AKAP6: variants seen among roughly 807,000 people sequenced by gnomAD.
AKAP6 encodes A-kinase anchoring protein 6.
AKAP6 carries 58 observed loss-of-function variants against 188.5 expected under a neutral mutation model. The ratio of observed to expected loss-of-function variants is 0.31; its 90% CI spans 0.25 to 0.38. AKAP6 has a LOEUF of 0.38. Among genes scored for constraint, AKAP6 ranks in the 10% least tolerant of loss-of-function variants. AKAP6 has a pLI of 1.00. For missense variants in AKAP6, 2,710 were observed against 2,740.0 expected, an observed-to-expected ratio of 0.99 and a Z score of 0.24; for synonymous variants, 989 against 998.6, an observed-to-expected ratio of 0.99 and a Z score of 0.18.
chr14:32,384,106 T>C (rs35212883), intron 1 of AKAP6, among the ~76,000 whole-genome samples: 87,397 of 152,092 alleles, frequency 0.57, 29,127 homozygotes, highest in Non-Finnish European at 0.74. Context: ...GTTAGCACTC[T>C]GCTAACTAAA....
intron 1 of AKAP6, among the ~76,000 whole-genome samples, chr14:32,416,210 A>AT (rs1181124179): frequency 6.6e-6 from 1 of 152,028 alleles, no homozygotes; most frequent in African/African-American, 2.4e-5. Flanking sequence ...AACACTAATT[A>AT]TTTTCTGTTT....
rs1594730735 is a variant in AKAP6, at chr14:32,546,323, G to A, written c.1670G>A (p.Cys557Tyr). Residue 557 changes from cysteine to tyrosine, a missense_variant, in exon 4 of 14, where the codon TGT becomes TAT. Physicochemically the swap from Cys to Tyr is radical, Grantham distance 194. Around this residue, in one of 2 missense-constraint regions of AKAP6, gnomAD observed 2,473 missense variants for 2,426.1 expected, o/e 1.02. Coordinates refer to ENST00000280979, the MANE Select transcript of AKAP6 (RefSeq NM_004274.5). ...NSASTSSLEP[C>Y]NQRSWNAKLQ... The stretch of plus-strand genomic sequence containing the variant: ...GCTTCCACATCCTCACTTGAGCCTT[G>A]TAATCAGAGAAGTTGGAATGCCAAA... 1 of 1,614,196 alleles carries A rather than the reference G, an allele frequency of 6.2e-7. No individual in the cohort carries two copies. The highest frequency in any genetic ancestry group is 1.1e-5 in the South Asian group (1 of 91,084).
At chr14:32,771,401 C>T (rs987660314) in intron 11 of AKAP6, among the ~76,000 whole-genome samples, 2 of 149,536 alleles carry the variant, frequency 1.3e-5, no homozygotes, top group East Asian at 2.0e-4. Flanking sequence ...TGAATATCAA[C>T]AGTAATTGCC....
chr14:32,664,622 C>T (rs370983064), intron 7 of AKAP6, among the ~76,000 whole-genome samples: 205 of 152,218 alleles, frequency 1.3e-3, no homozygotes, highest in African/African-American at 4.1e-3. Context: ...TCATCATACA[C>T]GCATGCTCTT....
intron 7 of AKAP6, among the ~76,000 whole-genome samples, chr14:32,665,747 C>T (rs1027873620): frequency 6.6e-6 from 1 of 152,150 alleles, no homozygotes; most frequent in Non-Finnish European, 1.5e-5. Context: ...GCCTAACACA[C>T]CCAGCATTAT....
chr14:32,794,158 AC>A (rs1420258818), intron 12 of AKAP6, among the ~76,000 whole-genome samples: 1 of 152,174 alleles, frequency 6.6e-6, no homozygotes, highest in Admixed American at 6.5e-5. Context: ...AGTCTATCAG[AC>A]CCACAGCACT....
chr14:32,809,969 G>A (rs2034183021), intron 12 of AKAP6, among the ~76,000 whole-genome samples: 1 of 152,128 alleles, frequency 6.6e-6, no homozygotes, highest in Admixed American at 6.5e-5. Flanking sequence ...CAAGCTTTAG[G>A]TAGTGCAAAG....
chr14:32,732,458 A>T lies in AKAP6; in HGVS notation c.3005A>T (p.Tyr1002Phe), dbSNP rs972439876. 6 of 1,611,962 alleles carry T rather than the reference A, an allele frequency of 3.7e-6. No homozygotes were observed. In the African/African-American group the frequency reaches 8.0e-5, roughly 22 times the overall value. ...CTTTTTCTCTTTTCATTTTAGCGATACAGTGTGGAAATGTCCATCAGACAC... is the reference window on the plus strand; with the variant it reads ...CTTTTTCTCTTTTCATTTTAGCGATTCAGTGTGGAAATGTCCATCAGACAC... ...EEQQQHLYKR[Y>F]SVEMSIRHLK... is the part of the protein sequence containing the mutation. Residue 1002 changes from tyrosine (Y) to phenylalanine (F), a missense_variant, in exon 10 of 14, where the codon TAC (tyrosine) becomes TTC (phenylalanine). Tyr to Phe is a conservative substitution (Grantham distance 22, BLOSUM62 3). Around this residue, in one of 2 missense-constraint regions of AKAP6, gnomAD observed 2,473 missense variants for 2,426.1 expected, o/e 1.02. Transcript: ENST00000280979.
At chr14:32,717,248 C>G (rs2030262593) in intron 9 of AKAP6, among the ~76,000 whole-genome samples, 1 of 152,114 alleles carries the variant, frequency 6.6e-6, no homozygotes, top group Non-Finnish European at 1.5e-5. Context: ...ATGGCCACAT[C>G]CTTGTACTTC....
At chr14:32,722,834 A>T (rs573081821) in intron 9 of AKAP6, among the ~76,000 whole-genome samples, 17 of 152,156 alleles carry the variant, frequency 1.1e-4, no homozygotes, top group Non-Finnish European at 1.9e-4. Flanking sequence ...TGGATGCTGG[A>T]CAAGAATTCA....
chr14:32,781,606 A>G (rs2033253047), intron 12 of AKAP6, among the ~76,000 whole-genome samples: 1 of 152,174 alleles, frequency 6.6e-6, no homozygotes, highest in African/African-American at 2.4e-5. Flanking sequence ...AGGCAATACA[A>G]GAAAACTGCT....
chr14:32,756,862 G>A (rs1370509633), intron 11 of AKAP6, among the ~76,000 whole-genome samples: 5 of 152,092 alleles, frequency 3.3e-5, no homozygotes, highest in African/African-American at 1.2e-4. Flanking sequence ...TAGAATCACG[G>A]GTGCCATCCT....
intron 2 of AKAP6, among the ~76,000 whole-genome samples, chr14:32,529,480 GC>G (rs1340442966): frequency 1.3e-5 from 2 of 151,856 alleles, no homozygotes; most frequent in East Asian, 3.9e-4. Context: ...TTATCTTATT[GC>G]AATAGCTAGG....
In AKAP6 at chr14:32,600,693, G is replaced by A. The variant is rs753018110; in HGVS notation, c.2631G>A (p.Arg877=). Residue 877 remains arginine (R), a synonymous_variant, in exon 7 of 14, where the codon CGG becomes CGA. Transcript: ENST00000280979. ...QWKELQRQIK[R]QHSWILRALD... Reference sequence around the variant, plus strand: ...AGGAGCTGCAGAGGCAAATCAAACGGCAGCACAGCTGGATTCTCAGGGCTC... The same window carrying A: ...AGGAGCTGCAGAGGCAAATCAAACGACAGCACAGCTGGATTCTCAGGGCTC... 1 of 1,613,572 alleles carries A rather than the reference G, an allele frequency of 6.2e-7. No individual in the cohort carries two copies. Among genetic ancestry groups the A allele is most frequent in the African/African-American group, 1.3e-5 (1 of 75,012 alleles).
At chr14:32,692,850 T>C (rs780310763) in intron 8 of AKAP6, among the ~76,000 whole-genome samples, 12 of 152,274 alleles carry the variant, frequency 7.9e-5, no homozygotes, top group Non-Finnish European at 1.2e-4. Context: ...TGCCAATTGA[T>C]CATTTTTATG....
chr14:32,435,058 G>A (rs566440821), intron 2 of AKAP6, among the ~76,000 whole-genome samples: 28 of 152,302 alleles, frequency 1.8e-4, no homozygotes, highest in Non-Finnish European at 4.1e-4. Flanking sequence ...GTTGCAGCAG[G>A]GAGTGATTTG....
At chr14:32,704,626 T>C (rs1427631081) in intron 9 of AKAP6, among the ~76,000 whole-genome samples, 2 of 152,146 alleles carry the variant, frequency 1.3e-5, no homozygotes, top group Non-Finnish European at 2.9e-5. Flanking sequence ...CAAAAAATTA[T>C]ATGATGTATG....
At chr14:32,726,281 A>G (rs2030869960) in intron 9 of AKAP6, 2 of 899,478 alleles carry the variant, frequency 2.2e-6, no homozygotes, top group South Asian at 1.0e-4. Flanking sequence ...GTCTTCTTTT[A>G]CAGTTTGCTC....
intron 1 of AKAP6, among the ~76,000 whole-genome samples, chr14:32,349,203 A>G (rs1486087049): frequency 1.3e-5 from 2 of 152,238 alleles, no homozygotes; most frequent in Non-Finnish European, 2.9e-5. Flanking sequence ...AACAAAAGCT[A>G]TTTTGGACAG....
Sources: gnomAD v4.1 joint callset for allele counts (sites outside exome capture counted in the v4.1 genomes callset) on GRCh38, gnomAD v4.1.1 for gene constraint, gnomAD v4.1.1 regional missense constraint, MANE v1.5 for transcripts, NCBI Gene and HGNC (gene_info 2026-07-23, HGNC 2026-07-21) for gene names.